Variants in IFRD1 observed in about 807,000 individuals in gnomAD.
The protein encoded by IFRD1 is interferon related developmental regulator 1.
In IFRD1, 35 loss-of-function variants were observed where a neutral mutation model predicts 52.9. That is an observed-to-expected ratio of 0.66 (90% confidence interval 0.51 to 0.88). The LOEUF is 0.88. Ranked by LOEUF, IFRD1 falls within the 40% of genes least tolerant of loss-of-function variation. The pLI is 0.00. For synonymous variants in IFRD1, 184 were observed against 188.4 expected, an observed-to-expected ratio of 0.98 and a Z score of 0.19; for missense variants, 517 against 550.8, an observed-to-expected ratio of 0.94 and a Z score of 0.61.
intron 1 of IFRD1, among the ~76,000 whole-genome samples, chr7:112,424,260 G>T (rs1794381342): frequency 6.6e-6 from 1 of 152,164 alleles, no homozygotes; most frequent in Admixed American, 6.5e-5. Flanking sequence ...CCAGGTGGCA[G>T]AGAGTTCTGT....
chr7:112,440,300 G>T (rs915376521), intron 1 of IFRD1, among the ~76,000 whole-genome samples: 5 of 152,046 alleles, frequency 3.3e-5, no homozygotes, highest in African/African-American at 1.2e-4. Context: ...AGCCTTTCTT[G>T]AATGGAATGA....
chr7:112,466,159 TTA>T, intron 8 of IFRD1, among the ~76,000 whole-genome samples: 1 of 152,244 alleles, frequency 6.6e-6, no homozygotes, highest in Non-Finnish European at 1.5e-5. Flanking sequence ...TACAGCTCTA[TTA>T]TATAATTATC....
At chr7:112,447,879 CTGA>C (rs1795064247), upstream of IFRD1, among the ~76,000 whole-genome samples, 1 of 151,964 alleles carries the variant, frequency 6.6e-6, no homozygotes, top group Admixed American at 6.6e-5. Context: ...ATTCATTATA[CTGA>C]AGGCTGTACT....
intron 1 of IFRD1, among the ~76,000 whole-genome samples, chr7:112,445,214 C>A (rs908752632): frequency 6.6e-6 from 1 of 151,896 alleles, no homozygotes; most frequent in Non-Finnish European, 1.5e-5. Flanking sequence ...CTACAGGCGC[C>A]CGCCACCACG....
At chr7:112,466,049 C>T (rs1795600764) in intron 8 of IFRD1, among the ~76,000 whole-genome samples, 1 of 151,284 alleles carries the variant, frequency 6.6e-6, no homozygotes, top group Non-Finnish European at 1.5e-5. Context: ...GACTTTTGAC[C>T]CTGTTGTGTA....
chr7:112,455,742 C>T (rs777026985), intron 1 of IFRD1, 21 bp from the exon 2 acceptor site: 1 of 1,511,950 alleles, frequency 6.6e-7, no homozygotes. Context: ...TAATTTACCT[C>T]TTTCCTCTTT....
chr7:112,475,073 CT>C (rs1283411871), intron 11 of IFRD1, among the ~76,000 whole-genome samples: 1 of 152,186 alleles, frequency 6.6e-6, no homozygotes, highest in Non-Finnish European at 1.5e-5. Flanking sequence ...ATTCTCCTGC[CT>C]CAGCCTCCCG....
At chr7:112,452,330 T>C in intron 1 of IFRD1, 1 of 367,914 alleles carries the variant, frequency 2.7e-6, no homozygotes, top group African/African-American at 2.2e-5. Context: ...CTGGCTATTT[T>C]TTACATTTTT....
At chr7:112,465,044 A>C (rs1362743729) in intron 8 of IFRD1, among the ~76,000 whole-genome samples, 1 of 152,232 alleles carries the variant, frequency 6.6e-6, no homozygotes, top group South Asian at 2.1e-4. Context: ...GAAATAAATA[A>C]GTCTTTTTAA....
chr7:112,424,500 C>T (rs758044334), intron 1 of IFRD1, among the ~76,000 whole-genome samples: 2 of 151,910 alleles, frequency 1.3e-5, no homozygotes, highest in East Asian at 1.9e-4. Context: ...TTGCACCCTC[C>T]GCCTCCCAGG....
chr7:112,465,363 G>T (rs1163692203), intron 8 of IFRD1, among the ~76,000 whole-genome samples: 1 of 152,126 alleles, frequency 6.6e-6, no homozygotes, highest in Non-Finnish European at 1.5e-5. Context: ...ATCTCACCCT[G>T]TCTGCCTAAA....
intron 5 of IFRD1, 22 bp from the exon 6 acceptor site, chr7:112,461,844 A>G (rs756242278): frequency 3.2e-6 from 4 of 1,243,650 alleles, no homozygotes; most frequent in African/African-American, 1.6e-5. Context: ...TAATGTCTAT[A>G]TATATATATT....
intron 1 of IFRD1, among the ~76,000 whole-genome samples, chr7:112,454,339 C>T (rs1223422997): frequency 6.6e-6 from 1 of 151,892 alleles, no homozygotes; most frequent in East Asian, 1.9e-4. Flanking sequence ...ATTACAAGCG[C>T]CTGCCACCAG....
chr7:112,429,118 C>T (rs1794492390), intron 1 of IFRD1, among the ~76,000 whole-genome samples: 1 of 152,190 alleles, frequency 6.6e-6, no homozygotes, highest in Non-Finnish European at 1.5e-5. Flanking sequence ...AATTGAGTTG[C>T]CTTAGTTGCA....
intron 1 of IFRD1, among the ~76,000 whole-genome samples, chr7:112,454,055 A>C (rs1448656198): frequency 1.3e-5 from 2 of 152,226 alleles, no homozygotes; most frequent in Admixed American, 6.5e-5. Context: ...CTCAGTGCTG[A>C]ATTGTAGTTT....
Position 112,472,323 on chromosome 7 carries a change from A to G in IFRD1, c.1146A>G (p.Gly382=), listed in dbSNP as rs773236424. The change falls in exon 10 of 12, where the codon GGA becomes GGG. Residue 382 remains glycine, a synonymous_variant. Coordinates refer to ENST00000403825, the MANE Select transcript of IFRD1 (RefSeq NM_001550.4). ...ATGACACCTTTAAGGAGGTTCTTGG[A>G]TCAGGGATGCAGTACCACTTGCAGG... ...HTYDTFKEVL[G]SGMQYHLQSN... 1.9e-6 allele frequency: 3 copies of G among 1,614,030 alleles called. No homozygotes were observed. The highest frequency in any genetic ancestry group is 1.3e-5 in the African/African-American group (1 of 75,048).
intron 9 of IFRD1, among the ~76,000 whole-genome samples, chr7:112,468,357 A>G (rs1237790163): frequency 6.6e-6 from 1 of 152,058 alleles, no homozygotes; most frequent in Non-Finnish European, 1.5e-5. Context: ...AAAAAGACCC[A>G]TAGTGATAGA....
At chr7:112,464,208 CT>C (rs1305058736) in intron 8 of IFRD1, among the ~76,000 whole-genome samples, 2 of 151,762 alleles carry the variant, frequency 1.3e-5, no homozygotes, top group African/African-American at 4.8e-5. Flanking sequence ...TGCTAACTGA[CT>C]TTCTGATGTT....
intron 1 of IFRD1, among the ~76,000 whole-genome samples, chr7:112,428,346 C>T (rs893656164): frequency 2.6e-5 from 4 of 151,916 alleles, no homozygotes; most frequent in Non-Finnish European, 4.4e-5. Flanking sequence ...GTATTCTGAG[C>T]GGCTGGGTGA....
Sources: allele counts gnomAD v4.1 joint callset (sites outside exome capture counted in the v4.1 genomes callset), GRCh38; gene constraint gnomAD v4.1.1; transcripts MANE v1.5; gene names NCBI Gene and HGNC (gene_info 2026-07-23, HGNC 2026-07-21).